Variants in LMX1A observed in about 807,000 individuals in gnomAD.
LMX1A encodes the protein LIM homeobox transcription factor 1 alpha, also known as LIM homeobox transcription factor 1-alpha.
A neutral mutation model predicts 49.1 loss-of-function variants in LMX1A; 15 were observed. The ratio of observed to expected loss-of-function variants is 0.31; its 90% CI spans 0.20 to 0.47. The LOEUF (loss-of-function observed/expected upper bound fraction) is 0.47, where lower values mean the gene tolerates loss of function less well. Among genes scored for constraint, LMX1A ranks in the 20% least tolerant of loss-of-function variants. The pLI, the probability that LMX1A is intolerant of heterozygous loss-of-function variation, is 1.00. For missense variants in LMX1A, 372 were observed against 475.8 expected, an observed-to-expected ratio of 0.78 and a Z score of 2.03; for synonymous variants, 167 against 185.7, an observed-to-expected ratio of 0.90 and a Z score of 0.82.
chr1:165,329,895 C>A (rs1655696002), intron 3 of LMX1A, among the ~76,000 whole-genome samples: 1 of 152,188 alleles, frequency 6.6e-6, no homozygotes, highest in Non-Finnish European at 1.5e-5. Context: ...TGTCTATGGA[C>A]TATCTGTGTG....
At chr1:165,287,159 C>A (rs1229675318) in intron 3 of LMX1A, among the ~76,000 whole-genome samples, 1 of 152,222 alleles carries the variant, frequency 6.6e-6, no homozygotes, top group Non-Finnish European at 1.5e-5. Flanking sequence ...ATTGGCTAGC[C>A]AGTTGCCCCA....
intron 3 of LMX1A, among the ~76,000 whole-genome samples, chr1:165,258,576 T>A (rs1653325258): frequency 6.6e-6 from 1 of 152,138 alleles, no homozygotes; most frequent in African/African-American, 2.4e-5. Context: ...TGGGGAGCTA[T>A]AAGGAGGACC....
chr1:165,285,559 C>T (rs940579490), intron 3 of LMX1A, among the ~76,000 whole-genome samples: 1 of 152,182 alleles, frequency 6.6e-6, no homozygotes, highest in African/African-American at 2.4e-5. Context: ...CTTCAATCTC[C>T]AAGGTGAACA....
chr1:165,332,512 C>T (rs1401012059), intron 3 of LMX1A, among the ~76,000 whole-genome samples: 1 of 152,090 alleles, frequency 6.6e-6, no homozygotes, highest in Non-Finnish European at 1.5e-5. Context: ...AATGATTCCA[C>T]ATGTATATGA....
intron 4 of LMX1A, among the ~76,000 whole-genome samples, chr1:165,215,759 T>C (rs1651620444): frequency 6.6e-6 from 1 of 152,156 alleles, no homozygotes; most frequent in Non-Finnish European, 1.5e-5. Flanking sequence ...TCAATATAAA[T>C]GAAAAGGGAC....
At chr1:165,265,214 A>G (rs1315558001) in intron 3 of LMX1A, among the ~76,000 whole-genome samples, 1 of 151,760 alleles carries the variant, frequency 6.6e-6, no homozygotes, top group Non-Finnish European at 1.5e-5. Flanking sequence ...AAAAAAAAAA[A>G]AAAAGAAAAA....
chr1:165,275,704 G>A (rs911104119), intron 3 of LMX1A, among the ~76,000 whole-genome samples: 1 of 152,152 alleles, frequency 6.6e-6, no homozygotes. Context: ...ACTGGAAGGG[G>A]GCTGGTGGAG....
chr1:165,314,615 T>C (rs2101737119), intron 3 of LMX1A, among the ~76,000 whole-genome samples: 1 of 152,302 alleles, frequency 6.6e-6, no homozygotes, highest in East Asian at 1.9e-4. Context: ...ATATCTTTTT[T>C]TTTATTACCT....
chr1:165,239,062 C>T (rs1652550781), intron 4 of LMX1A, among the ~76,000 whole-genome samples: 1 of 65,754 alleles, frequency 1.5e-5, no homozygotes, highest in Non-Finnish European at 2.8e-5. Context: ...TTATCATCAT[C>T]ATCATGAAAA....
intron 3 of LMX1A, among the ~76,000 whole-genome samples, chr1:165,291,399 C>A (rs769546061): frequency 1.3e-5 from 2 of 152,136 alleles, no homozygotes; most frequent in Non-Finnish European, 2.9e-5. Context: ...TCTGGGCTTG[C>A]CTGTTTCCAT....
At chr1:165,257,788 C>G (rs1196547230) in intron 3 of LMX1A, among the ~76,000 whole-genome samples, 1 of 152,164 alleles carries the variant, frequency 6.6e-6, no homozygotes, top group Non-Finnish European at 1.5e-5. Flanking sequence ...TCCCAAAGTC[C>G]TGCAGACCTT....
chr1:165,336,888 T>C (rs1483001565), intron 3 of LMX1A, among the ~76,000 whole-genome samples: 12 of 152,142 alleles, frequency 7.9e-5, no homozygotes, highest in Non-Finnish European at 1.5e-5. Context: ...AGAAATAAAC[T>C]ACAGCATATT....
intron 6 of LMX1A, among the ~76,000 whole-genome samples, chr1:165,210,216 A>C (rs1651318045): frequency 6.6e-6 from 1 of 152,196 alleles, no homozygotes; most frequent in African/African-American, 2.4e-5. Context: ...TGATGAGGGA[A>C]TATAGAGCTT....
chr1:165,309,146 A>T (rs1335102539), intron 3 of LMX1A, among the ~76,000 whole-genome samples: 1 of 151,900 alleles, frequency 6.6e-6, no homozygotes, highest in Non-Finnish European at 1.5e-5. Context: ...CCACCGAGAT[A>T]CCCTGACAGA....
At chr1:165,328,388 T>C (rs1425106236) in intron 3 of LMX1A, among the ~76,000 whole-genome samples, 1 of 152,236 alleles carries the variant, frequency 6.6e-6, no homozygotes, top group East Asian at 1.9e-4. Context: ...CACAAGAGGA[T>C]ACAAGTGAGC....
At chr1:165,280,703 C>T (rs1009183045) in intron 3 of LMX1A, among the ~76,000 whole-genome samples, 2 of 152,178 alleles carry the variant, frequency 1.3e-5, no homozygotes, top group African/African-American at 4.8e-5. Flanking sequence ...TTTTCTATTG[C>T]ATAGGGTATA....
intron 3 of LMX1A, among the ~76,000 whole-genome samples, chr1:165,334,601 A>C (rs1350308407): frequency 6.6e-6 from 1 of 152,222 alleles, no homozygotes; most frequent in Admixed American, 6.5e-5. Context: ...CTAAACATAC[A>C]TAATCACATG....
chr1:165,281,370 C>T (rs10494441), intron 3 of LMX1A, among the ~76,000 whole-genome samples: 6,167 of 152,280 alleles, frequency 0.04, 172 homozygotes, highest in East Asian at 0.1. Flanking sequence ...GGGCTTCCAT[C>T]AGGATTAGGA....
intron 3 of LMX1A, among the ~76,000 whole-genome samples, chr1:165,329,966 TTA>T (rs1655698679): frequency 6.6e-6 from 1 of 152,234 alleles, no homozygotes; most frequent in Non-Finnish European, 1.5e-5. Flanking sequence ...TGTGACTTCC[TTA>T]TATGCAAAAT....
Sources: gnomAD v4.1 joint callset for allele counts (sites outside exome capture counted in the v4.1 genomes callset) on GRCh38, gnomAD v4.1.1 for gene constraint, MANE v1.5 for transcripts, NCBI Gene and HGNC (gene_info 2026-07-23, HGNC 2026-07-21) for gene names.